Variants in CHRND observed in about 807,000 individuals in gnomAD.
CHRND encodes the protein cholinergic receptor nicotinic delta subunit.
CHRND carries 40 observed loss-of-function variants against 57.8 expected under a neutral mutation model. That is an observed-to-expected ratio of 0.69 (90% CI 0.54 to 0.90). The LOEUF is 0.90. Among genes scored for constraint, CHRND ranks in the 40% least tolerant of loss-of-function variants. CHRND has a pLI of 0.00. For missense variants in CHRND, 634 were observed against 673.9 expected, an observed-to-expected ratio of 0.94 and a Z score of 0.66; for synonymous variants, 237 against 270.6, an observed-to-expected ratio of 0.88 and a Z score of 1.22.
Position 232,528,934 on chromosome 2 carries a change from C to T in CHRND, c.582C>T (p.Pro194=), listed in dbSNP as rs773089899. ...ATGCCAAGGAGAACCGCACCTACCC[C>T]GTGGAGTGGATCATCATTGATCCTG... ...KQDAKENRTY[P]VEWIIIDPEG... Residue 194 remains proline (P), a synonymous_variant, in exon 6 of 12, where the codon CCC becomes CCT. Coordinates refer to ENST00000258385, the MANE Select transcript of CHRND (RefSeq NM_000751.3). The T allele has an allele frequency of 4.5e-5, 72 of 1,613,978 alleles. No homozygotes were observed. The highest frequency in any genetic ancestry group is 5.5e-5 in the Non-Finnish European group (65 of 1,180,022).
rs1009575450 is a variant in CHRND at position 232,529,873 on chromosome 2, G to T, written c.620-66G>T. 22 of 1,563,156 alleles carry T rather than the reference G, an allele frequency of 1.4e-5. No homozygotes were observed. In the African/African-American group the frequency reaches 2.8e-4, roughly 20 times the overall value. On this transcript the variant is annotated intron_variant, in intron 6 of 11. Transcript: ENST00000258385. ...CTTGCCCTGCCCAGCCCCTCATTCTGTCCCCAGGCCCTGCCTAGCCCCCTT... is the reference window on the plus strand; with the variant it reads ...CTTGCCCTGCCCAGCCCCTCATTCTTTCCCCAGGCCCTGCCTAGCCCCCTT...
Position 232,535,391 on chromosome 2 carries a change from C to T in CHRND, c.*79C>T. The T allele has an allele frequency of 6.5e-7, 1 of 1,549,216 alleles. No individual in the cohort carries two copies. Reference sequence around the variant, plus strand: ...TCCCTAATGACACCCACTCCTAGCCCTGAGGCTCGTGCCCCTCAGACTGGG... The same window carrying T: ...TCCCTAATGACACCCACTCCTAGCCTTGAGGCTCGTGCCCCTCAGACTGGG... On this transcript the variant is annotated 3_prime_UTR_variant, in exon 12 of 12. Coordinates refer to ENST00000258385, the MANE Select transcript of CHRND (RefSeq NM_000751.3).
At chr2:232,528,679 C>T in intron 5 of CHRND, 23 bp downstream of exon 5, 1 of 1,613,526 alleles carries the variant, frequency 6.2e-7, no homozygotes, top group South Asian at 1.1e-5. Context: ...CTCCAGCCAC[C>T]CCTCACCCCA....
chr2:232,527,521 GATC>G (rs954358225), intron 3 of CHRND, 76 bp downstream of exon 3: 10 of 1,074,924 alleles, frequency 9.3e-6, no homozygotes, highest in African/African-American at 6.2e-5. Flanking sequence ...GAGGGGGGTG[GATC>G]ACGAGGTCAG....
Position 232,535,148 on chromosome 2 carries a change from C to A in CHRND, c.1390C>A (p.Arg464=). 2 of 1,614,160 alleles carry A rather than the reference C, an allele frequency of 1.2e-6. No homozygotes were observed. The highest frequency in any genetic ancestry group is 1.7e-6 in the Non-Finnish European group (2 of 1,180,020). ...CCCACAGGAGAAAGACAGCTGGAAC[C>A]GAGTGGCCCGCACAGTGGACCGCCT... is the stretch of plus-strand genomic sequence containing the variant. ...NYNEEKDSWN[R]VARTVDRLCL... The change falls in exon 12 of 12, where the codon CGA becomes AGA. Residue 464 remains arginine (R), a synonymous_variant. Transcript: ENST00000258385.
chr2:232,530,433 G>A (rs1019174692), intron 7 of CHRND, among the ~76,000 whole-genome samples: 1 of 152,200 alleles, frequency 6.6e-6, no homozygotes, highest in Non-Finnish European at 1.5e-5. Context: ...AGTCCCTCAC[G>A]GTCACCAGTG....
chr2:232,528,696 C>T (rs1691575160), intron 5 of CHRND, 40 bp downstream of exon 5: 1 of 1,613,102 alleles, frequency 6.2e-7, no homozygotes, highest in Non-Finnish European at 8.5e-7. Flanking sequence ...CCCAAAGCAC[C>T]CTGCCAGAGG....
chr2:232,529,767 G>A (rs914202266), intron 6 of CHRND, among the ~76,000 whole-genome samples, 172 bp from the exon 7 acceptor site: 1 of 152,158 alleles, frequency 6.6e-6, no homozygotes, highest in Admixed American at 6.5e-5. Context: ...CCTCACAGAT[G>A]GAAACTTCCA....
rs2106206035 is a variant in CHRND at position 232,526,545 on chromosome 2, C to A, written c.69C>A (p.Asn23Lys). Residue 23 changes from asparagine to lysine, a missense_variant, in exon 2 of 12, where the codon AAC (asparagine) becomes AAA (lysine). Physicochemically the swap from Asn to Lys is moderately conservative, Grantham distance 94. Coordinates refer to ENST00000258385, the MANE Select transcript of CHRND (RefSeq NM_000751.3). ...CCTCCCCAGGCAGCTGGGGGCTGAACGAGGAGGAGCGGCTGATCCGGCACC... is the reference window on the plus strand; with the variant it reads ...CCTCCCCAGGCAGCTGGGGGCTGAAAGAGGAGGAGCGGCTGATCCGGCACC... ...ALAVCGSWGL[N>K]EEERLIRHLF... 1 of 1,613,680 alleles carries A rather than the reference C, an allele frequency of 6.2e-7. No individual in the cohort carries two copies. The highest frequency in any genetic ancestry group is 8.5e-7 in the Non-Finnish European group (1 of 1,180,020).
chr2:232,526,223 G>A lies in CHRND; in HGVS notation c.8G>A (p.Gly3Glu). 6.2e-7 allele frequency: 1 copy of A among 1,612,816 alleles called. No individual in the cohort carries two copies. Among genetic ancestry groups the A allele is most frequent in the Non-Finnish European group, 8.5e-7 (1 of 1,179,166 alleles). The stretch of plus-strand genomic sequence containing the variant: ...CCCAGTCAGAGGGATGGGATGGAGG[G>A]GCCAGTGCTGACACTGGGGCTGCTG... The part of the protein sequence containing the change: ME[G>E]PVLTLGLLAA... Residue 3 changes from glycine (G) to glutamate (E), a missense_variant, in exon 1 of 12, where the codon GGG becomes GAG. Physicochemically the swap from Gly to Glu is moderately conservative, Grantham distance 98. Coordinates refer to ENST00000258385, the MANE Select transcript of CHRND (RefSeq NM_000751.3).
rs535927511 is a variant in CHRND at position 232,535,602 on chromosome 2, G to A, written c.*290G>A. 6.9e-4 allele frequency: 418 copies of A among 603,646 alleles called. No individual in the cohort carries two copies. Among genetic ancestry groups the A allele is most frequent in the Non-Finnish European group, 9.4e-4 (304 of 323,934 alleles). The allele number at this position is 603,646 out of a possible 1,614,324, so 37.4% of individuals were successfully genotyped here. On this transcript the variant is annotated 3_prime_UTR_variant, in exon 12 of 12. Transcript: ENST00000258385. Reference sequence around the variant, plus strand: ...GAGGAGGCCACTCAGGGTGGCCTCAGGGGGAGAGCTCTGATAGGGGTGAGA... The same window carrying A: ...GAGGAGGCCACTCAGGGTGGCCTCAAGGGGAGAGCTCTGATAGGGGTGAGA...
chr2:232,526,390 T>C, intron 1 of CHRND, 123 bp downstream of exon 1: 2 of 1,516,814 alleles, frequency 1.3e-6, no homozygotes, highest in African/African-American at 2.7e-5. Flanking sequence ...GGCCGCCTTC[T>C]GGGGTCCCCA....
At chr2:232,534,472 G>A in intron 11 of CHRND, 130 bp downstream of exon 11, 2 of 958,088 alleles carry the variant, frequency 2.1e-6, no homozygotes, top group Non-Finnish European at 1.7e-6. Context: ...ATGTGACACA[G>A]ATTCCAGGCC....
rs1004175 is a variant in CHRND at position 232,536,197 on chromosome 2, T to C, written c.*885T>C. ...GGGAGACAAGGGTCTGTTTGTATGG[T>C]GGTCCACCTCCAAGATGGCCCCAGT... On this transcript the variant is annotated 3_prime_UTR_variant, in exon 12 of 12. Coordinates refer to ENST00000258385, the MANE Select transcript of CHRND (RefSeq NM_000751.3). 175,890 of 453,964 alleles carry C rather than the reference T, an allele frequency of 0.39. 36,080 individuals are homozygous for C. Among genetic ancestry groups the C allele is most frequent in the Admixed American group, 0.57 (24,357 of 42,554 alleles). The allele number at this position is 453,964 out of a possible 1,614,324, so 28.1% of individuals were successfully genotyped here.
In CHRND at chr2:232,536,116, A is replaced by G. The variant is rs2106216825; in HGVS notation, c.*804A>G. ...TGCTAAATCTAGCAACCCTATCCCA[A>G]AGGCAGCCTCCACTCAATCTTATCC... On this transcript the variant is annotated 3_prime_UTR_variant, in exon 12 of 12. Coordinates refer to ENST00000258385, the MANE Select transcript of CHRND (RefSeq NM_000751.3). The G allele has an allele frequency of 2.2e-6, 1 of 454,112 alleles. No homozygotes were observed. The highest frequency in any genetic ancestry group is 4.4e-6 in the Non-Finnish European group (1 of 226,790). 28.1% of individuals were successfully genotyped at this position (454,112 alleles called of 1,614,324 possible).
rs1445456561 is a variant in CHRND at position 232,528,544 on chromosome 2, G to A, written c.397G>A (p.Val133Ile). The change falls in exon 5 of 12, where the codon GTC becomes ATC. Residue 133 changes from valine (V) to isoleucine (I), a missense_variant. Coordinates refer to ENST00000258385, the MANE Select transcript of CHRND (RefSeq NM_000751.3). ...FQISYSCNVL[V>I]YHYGFVYWLP... is the part of the protein sequence containing the mutation. ...GATCTCCTACTCCTGCAACGTGCTT[G>A]TCTACCACTACGGCTTCGTGTACTG... is the stretch of plus-strand genomic sequence containing the variant. 2.5e-6 allele frequency: 4 copies of A among 1,614,006 alleles called. No homozygotes were observed. The highest frequency in any genetic ancestry group is 1.1e-5 in the South Asian group (1 of 91,082).
At position 232,530,050 on chromosome 2, in the gene CHRND, G is replaced by A. The variant is rs756798072; in HGVS notation, c.731G>A (p.Arg244His). Residue 244 changes from arginine to histidine, a missense_variant, in exon 7 of 12, where the codon CGC becomes CAC. Coordinates refer to ENST00000258385, the MANE Select transcript of CHRND (RefSeq NM_000751.3). ...QDITFYLIIR[R>H]KPLFYIINIL... is the part of the protein sequence containing the mutation. Reference sequence around the variant, plus strand: ...ATCACCTTCTACCTCATCATCCGCCGCAAGCCCCTCTTCTACATCATCAAC... The same window carrying A: ...ATCACCTTCTACCTCATCATCCGCCACAAGCCCCTCTTCTACATCATCAAC... 6 of 1,614,126 alleles carry A rather than the reference G, an allele frequency of 3.7e-6. No individual in the cohort carries two copies. In the South Asian group the frequency reaches 4.4e-5, roughly 12 times the overall value.
chr2:232,526,197 TC>T lies in CHRND; in HGVS notation c.-16del. 6 of 1,609,948 alleles carry T rather than the reference TC, an allele frequency of 3.7e-6. No homozygotes were observed. Among genetic ancestry groups the T allele is most frequent in the Non-Finnish European group, 5.1e-6 (6 of 1,177,540 alleles). On this transcript the variant is annotated 5_prime_UTR_variant, in exon 1 of 12. Coordinates refer to ENST00000258385, the MANE Select transcript of CHRND (RefSeq NM_000751.3). ...TGTAGACAGGAGGGGCAGATGCACG[TC>T]CCAGTCAGAGGGATGGGATGGAGGG...
At chr2:232,531,155 C>T (rs1691674971) in intron 7 of CHRND, among the ~76,000 whole-genome samples, 197 bp from the exon 8 acceptor site, 1 of 152,170 alleles carries the variant, frequency 6.6e-6, no homozygotes, top group Non-Finnish European at 1.5e-5. Flanking sequence ...CCCAAGGTCA[C>T]CCAGCTAGTA....
Sources: allele counts gnomAD v4.1 joint callset (sites outside exome capture counted in the v4.1 genomes callset), GRCh38; gene constraint gnomAD v4.1.1; transcripts MANE v1.5; gene names NCBI Gene and HGNC (gene_info 2026-07-23, HGNC 2026-07-21).